Variants in CPNE5 observed in about 807,000 individuals in gnomAD.
CPNE5 encodes copine-5.
CPNE5 carries 42 observed loss-of-function variants against 81.1 expected under a neutral mutation model. The ratio of observed to expected loss-of-function variants is 0.52; its 90% CI spans 0.40 to 0.67. The LOEUF (loss-of-function observed/expected upper bound fraction) is 0.67. Ranked by LOEUF, CPNE5 falls within the 30% of genes least tolerant of loss-of-function variation. The probability of loss-of-function intolerance (pLI) is 0.00; values close to 1 mark genes in which losing one functional copy is unlikely to be tolerated. For synonymous variants in CPNE5, 313 were observed against 321.5 expected (o/e 0.97, Z 0.28); for missense variants, 612 against 815.5 (o/e 0.75, Z 3.04).
chr6:36,839,552 G>A, upstream of CPNE5: 1 of 527,016 alleles, frequency 1.9e-6, no homozygotes. The surrounding 1 kb of genome is among the most constrained non-coding windows in gnomAD (Gnocchi z 7.3). Context: ...GAGGGCGGAG[G>A]GAGCGGGGGC....
chr6:36,744,149 C>G, intron 19 of CPNE5, 119 bp downstream of exon 19: 1 of 853,998 alleles, frequency 1.2e-6, no homozygotes, highest in East Asian at 2.7e-5. Context: ...GGCGGGAGCT[C>G]TCACTCTTTT....
At position 36,746,248 on chromosome 6, in the gene CPNE5, C is replaced by T. The variant is rs1402892467; in HGVS notation, c.1200+148G>A. ...CAGGGAAGGGAGTGGATTTCTGGAG[C>T]CCCCCTACACACAGCAGGCAGTCTA... is the stretch of plus-strand genomic sequence containing the variant. On this transcript the variant is annotated intron_variant, in intron 16 of 20. Coordinates refer to ENST00000244751, the MANE Select transcript of CPNE5 (RefSeq NM_020939.2). This position sits in a 1 kb window ranked among gnomAD's most constrained non-coding sequence, Gnocchi z 4.5. The T allele has an allele frequency of 2.9e-6, 4 of 1,380,700 alleles. No homozygotes were observed. The highest frequency in any genetic ancestry group is 3.0e-5 in the African/African-American group (2 of 66,130). 85.5% of individuals were successfully genotyped at this position (1,380,700 alleles called of 1,614,324 possible).
At chr6:36,820,150 T>C (rs924334019) in intron 3 of CPNE5, among the ~76,000 whole-genome samples, 22 of 152,090 alleles carry the variant, frequency 1.4e-4, no homozygotes, top group Non-Finnish European at 3.1e-4. Flanking sequence ...AAACAGGAGC[T>C]AGTGGCTCCC....
chr6:36,815,845 G>T (rs576422716), intron 3 of CPNE5, among the ~76,000 whole-genome samples: 1 of 152,326 alleles, frequency 6.6e-6, no homozygotes, highest in South Asian at 2.1e-4. Context: ...GTGGTGGCTG[G>T]GGCCAATGAC....
intron 1 of CPNE5, among the ~76,000 whole-genome samples, chr6:36,830,412 G>T (rs2150613348): frequency 6.6e-6 from 1 of 152,320 alleles, no homozygotes; most frequent in South Asian, 2.1e-4. Flanking sequence ...TCCGAGGAAA[G>T]CAGGGCGGGA....
intron 3 of CPNE5, among the ~76,000 whole-genome samples, chr6:36,821,351 C>T (rs1367766463): frequency 2.6e-5 from 4 of 151,874 alleles, no homozygotes; most frequent in Admixed American, 6.6e-5. Flanking sequence ...TGCTTTTGCA[C>T]GATGGGAGCC....
At chr6:36,759,314 G>C (rs745785754) in intron 12 of CPNE5, among the ~76,000 whole-genome samples, 3 of 152,014 alleles carry the variant, frequency 2.0e-5, no homozygotes, top group East Asian at 1.9e-4. Flanking sequence ...CTCCAGCCCC[G>C]CCACGGTGAA....
chr6:36,771,538 T>C (rs1767034724), intron 10 of CPNE5, among the ~76,000 whole-genome samples: 1 of 152,222 alleles, frequency 6.6e-6, no homozygotes. Flanking sequence ...TAGGAGTCTT[T>C]GCTATTATCA....
intron 3 of CPNE5, among the ~76,000 whole-genome samples, chr6:36,815,469 G>A (rs1582992508): frequency 6.6e-6 from 1 of 152,192 alleles, no homozygotes; most frequent in Non-Finnish European, 1.5e-5. Context: ...CCTCATGAAT[G>A]GGCTTAGAGT....
At position 36,766,284 on chromosome 6, in the gene CPNE5, G is replaced by C. The variant is rs551290086; in HGVS notation, c.738-908C>G. 1.3e-5 allele frequency among the ~76,000 whole-genome samples: 2 copies of C among 152,244 alleles called. No individual in the cohort carries two copies. Among genetic ancestry groups the C allele is most frequent in the South Asian group, 4.1e-4 (2 of 4,824 alleles). The stretch of plus-strand genomic sequence containing the variant: ...ATCCCATCATCTCGCCCATCTCCTC[G>C]GGCCTGCCAGGAGTCAGCCTTGGGC... On this transcript the variant is annotated intron_variant, in intron 10 of 20. Transcript: ENST00000244751. This position sits in a 1 kb window ranked among gnomAD's most constrained non-coding sequence, Gnocchi z 4.2.
chr6:36,838,247 G>A (rs1452777744), intron 1 of CPNE5, among the ~76,000 whole-genome samples: 1 of 152,236 alleles, frequency 6.6e-6, no homozygotes, highest in Admixed American at 6.5e-5. Context: ...GGAGCAACCT[G>A]GAAGAGGATG....
rs1189463269 is a variant in CPNE5, at chr6:36,839,186, G to C, written c.95+97C>G. On this transcript the variant is annotated intron_variant, in intron 1 of 20. Transcript: ENST00000244751. The surrounding 1 kb of genome is among the most constrained non-coding windows in gnomAD (Gnocchi z 7.3). The stretch of plus-strand genomic sequence containing the variant: ...AGTCCTGGAGACCAGGACACTCTGG[G>C]AAGGGGGCGCGCGGAGGTTTAGGAT... 2 of 885,178 alleles carry C rather than the reference G, an allele frequency of 2.3e-6. No individual in the cohort carries two copies. Among genetic ancestry groups the C allele is most frequent in the South Asian group, 1.8e-5 (1 of 56,336 alleles). The allele number at this position is 885,178 out of a possible 1,614,324, so 54.8% of individuals were successfully genotyped here. A position where few individuals can be genotyped will look rare whatever the true frequency, so the allele number is the denominator to read the frequency against.
intron 9 of CPNE5, among the ~76,000 whole-genome samples, chr6:36,778,318 A>C (rs533908701): frequency 6.6e-6 from 1 of 152,268 alleles, no homozygotes. Context: ...AGAGGAGGAA[A>C]TAGGGGCTTC....
At chr6:36,749,237 A>G (rs912223294) in intron 14 of CPNE5, among the ~76,000 whole-genome samples, 1 of 152,058 alleles carries the variant, frequency 6.6e-6, no homozygotes, top group Non-Finnish European at 1.5e-5. Flanking sequence ...CATCTGGCTG[A>G]ATATTAGATT....
chr6:36,744,391 A>G, intron 18 of CPNE5, 66 bp from the exon 19 acceptor site: 1 of 1,297,922 alleles, frequency 7.7e-7, no homozygotes, highest in Non-Finnish European at 1.1e-6. Flanking sequence ...AAGGAAGGAG[A>G]AATCAGGGGT....
intron 1 of CPNE5, among the ~76,000 whole-genome samples, chr6:36,830,929 G>T (rs1772935175): frequency 6.6e-6 from 1 of 152,130 alleles, no homozygotes; most frequent in African/African-American, 2.4e-5. Flanking sequence ...GCCACCATCA[G>T]TATCATCTCT....
intron 3 of CPNE5, among the ~76,000 whole-genome samples, chr6:36,817,322 CG>C (rs1313014681): frequency 6.6e-6 from 1 of 152,004 alleles, no homozygotes; most frequent in African/African-American, 2.4e-5. Flanking sequence ...TGAAACTCTA[CG>C]CAAAAATAAA....
chr6:36,808,579 G>A (rs556040756), intron 3 of CPNE5, among the ~76,000 whole-genome samples: 1 of 152,122 alleles, frequency 6.6e-6, no homozygotes, highest in Non-Finnish European at 1.5e-5. Context: ...CCTGCCTTGT[G>A]TTGCTTACGA....
intron 8 of CPNE5, among the ~76,000 whole-genome samples, chr6:36,784,186 T>G (rs887237696): frequency 6.6e-6 from 1 of 152,220 alleles, no homozygotes; most frequent in African/African-American, 2.4e-5. Flanking sequence ...TGGCAGCTGA[T>G]TTTGTTCCTT....
Sources: gnomAD v4.1 joint callset for allele counts (sites outside exome capture counted in the v4.1 genomes callset) on GRCh38, gnomAD v4.1.1 for gene constraint, Gnocchi (gnomAD v3.1) non-coding constraint, MANE v1.5 for transcripts, NCBI Gene and HGNC (gene_info 2026-07-23, HGNC 2026-07-21) for gene names.